Variants in ACTR2 observed in about 807,000 individuals in gnomAD.
The protein encoded by ACTR2 is actin-related protein 2.
In ACTR2, 5 loss-of-function variants were observed where a neutral mutation model predicts 50.2. The ratio of observed to expected loss-of-function variants is 0.10; its 90% CI spans 0.05 to 0.21. The LOEUF (loss-of-function observed/expected upper bound fraction) is 0.21, where lower values mean the gene tolerates loss of function less well. ACTR2 is among the 10% of genes least tolerant of loss of function. The pLI is 1.00. For missense variants in ACTR2, 180 were observed against 480.6 expected, an observed-to-expected ratio of 0.37 and a Z score of 5.85; for synonymous variants, 140 against 162.9, an observed-to-expected ratio of 0.86 and a Z score of 1.07.
chr2:65,268,831 C>T lies in ACTR2; in HGVS notation c.*97C>T. The T allele has an allele frequency of 1.5e-6, 2 of 1,298,230 alleles. No homozygotes were observed. The highest frequency in any genetic ancestry group is 2.9e-5 in the South Asian group (2 of 68,634). 80.4% of individuals were successfully genotyped at this position (1,298,230 alleles called of 1,614,324 possible). A position where few individuals can be genotyped will look rare whatever the true frequency, so the allele number is the denominator to read the frequency against. The stretch of plus-strand genomic sequence containing the variant: ...CAACTCCAGGACATGGAAGAGGCCT[C>T]TCTCTGCCCTTTGACTGGAAAGGTC... On this transcript the variant is annotated 3_prime_UTR_variant, in exon 9 of 9. Coordinates refer to ENST00000260641, the MANE Select transcript of ACTR2 (RefSeq NM_005722.4).
At chr2:65,231,507 G>A (rs903059951) in intron 1 of ACTR2, among the ~76,000 whole-genome samples, 6 of 152,096 alleles carry the variant, frequency 3.9e-5, no homozygotes, top group African/African-American at 1.4e-4. Context: ...ATCCTAAGGT[G>A]TTTTCATTTG....
At chr2:65,231,042 A>G (rs1671628038) in intron 1 of ACTR2, among the ~76,000 whole-genome samples, 2 of 150,768 alleles carry the variant, frequency 1.3e-5, no homozygotes, top group African/African-American at 4.9e-5. Flanking sequence ...CGACAGAGTG[A>G]GACTGTCACA....
At chr2:65,262,922 T>C (rs1672297521) in intron 7 of ACTR2, among the ~76,000 whole-genome samples, 1 of 151,790 alleles carries the variant, frequency 6.6e-6, no homozygotes, top group African/African-American at 2.4e-5. Context: ...GCCATGATTG[T>C]GTCACTGCAC....
intron 8 of ACTR2, among the ~76,000 whole-genome samples, chr2:65,267,895 T>A (rs971800299): frequency 8.2e-5 from 11 of 133,912 alleles, no homozygotes; most frequent in African/African-American, 2.9e-4. Flanking sequence ...TTTTTTGAGA[T>A]TGAGTCTCTG....
chr2:65,252,486 A>G (rs1298644209), intron 4 of ACTR2, among the ~76,000 whole-genome samples: 2 of 151,844 alleles, frequency 1.3e-5, no homozygotes, highest in Non-Finnish European at 2.9e-5. Flanking sequence ...TAAAAAAAAA[A>G]TACAAAAAAT....
intron 1 of ACTR2, among the ~76,000 whole-genome samples, chr2:65,229,866 GA>G (rs1458692702): frequency 6.6e-6 from 1 of 151,824 alleles, no homozygotes; most frequent in Non-Finnish European, 1.5e-5. Context: ...ATTTTAAGTT[GA>G]AAAAGGTTTT....
At chr2:65,256,852 A>G (rs1038318998) in intron 6 of ACTR2, among the ~76,000 whole-genome samples, 4 of 145,740 alleles carry the variant, frequency 2.7e-5, no homozygotes, top group African/African-American at 1.0e-4. Context: ...AGCCTGGGTG[A>G]CAGAGCAAGA....
At chr2:65,231,051 CAA>C (rs780231120) in intron 1 of ACTR2, among the ~76,000 whole-genome samples, 11 of 96,932 alleles carry the variant, frequency 1.1e-4, no homozygotes, top group Admixed American at 1.1e-4. Context: ...GAGACTGTCA[CAA>C]AAAAAAAAAA....
intron 2 of ACTR2, 165 bp from the exon 3 acceptor site, chr2:65,246,359 C>T (rs1671939283): frequency 3.7e-6 from 2 of 546,526 alleles, no homozygotes; most frequent in Non-Finnish European, 6.4e-6. Context: ...ATGTATTATC[C>T]ATGATTAAAC....
Position 65,261,285 on chromosome 2 carries a change from A to G in ACTR2, c.774A>G (p.Arg258=). Residue 258 remains arginine, a synonymous_variant, in exon 7 of 9, where the codon AGA becomes AGG. Transcript: ENST00000260641. ...DGRIIKVGGE[R]FEAPEALFQP... Reference sequence around the variant, plus strand: ...GTATCATCAAAGTTGGGGGAGAGAGATTTGAAGCACCAGAAGCTTTATTTC... The same window carrying G: ...GTATCATCAAAGTTGGGGGAGAGAGGTTTGAAGCACCAGAAGCTTTATTTC... 6.2e-7 allele frequency: 1 copy of G among 1,614,006 alleles called. No homozygotes were observed. Among genetic ancestry groups the G allele is most frequent in the African/African-American group, 1.3e-5 (1 of 75,002 alleles).
Position 65,268,940 on chromosome 2 carries a change from A to G in ACTR2, c.*206A>G, listed in dbSNP as rs1432477697. 1.3e-5 allele frequency: 7 copies of G among 538,276 alleles called. No homozygotes were observed. Among genetic ancestry groups the G allele is most frequent in the Non-Finnish European group, 6.6e-6 (2 of 302,352 alleles). 33.3% of individuals were successfully genotyped at this position (538,276 alleles called of 1,614,324 possible). On this transcript the variant is annotated 3_prime_UTR_variant, in exon 9 of 9. Transcript: ENST00000260641. ...CTGAGTTTAATTCAACTGCTTCCCT[A>G]CATAGACTAGAGGGCTAAGGATTCT...
rs373150340 is a variant in ACTR2 at position 65,243,299 on chromosome 2, A to ATT, written c.160-3225_160-3224insTT. On this transcript the variant is annotated intron_variant, in intron 2 of 8. Coordinates refer to ENST00000260641, the MANE Select transcript of ACTR2 (RefSeq NM_005722.4). Reference sequence around the variant, plus strand: ...CTCAAAAAAAAGAAAAGAAAAGGAAAGAGTGCGCTTGTAGAGAACAGTGTA... The same window carrying ATT: ...CTCAAAAAAAAGAAAAGAAAAGGAAATTGAGTGCGCTTGTAGAGAACAGTGTA... Among the ~76,000 whole-genome samples the ATT allele has an allele frequency of 5.0e-3, 755 of 152,158 alleles. 6 individuals are homozygous for ATT. Among genetic ancestry groups the ATT allele is most frequent in the African/African-American group, 0.017 (702 of 41,508 alleles).
At chr2:65,234,186 A>G (rs1329786741) in intron 1 of ACTR2, among the ~76,000 whole-genome samples, 1 of 152,206 alleles carries the variant, frequency 6.6e-6, no homozygotes, top group Admixed American at 6.5e-5. Flanking sequence ...TGCCAAGATT[A>G]CAGGTGTGAG....
intron 1 of ACTR2, among the ~76,000 whole-genome samples, chr2:65,230,917 G>A (rs1671625931): frequency 6.6e-6 from 1 of 151,930 alleles, no homozygotes; most frequent in Admixed American, 6.6e-5. Flanking sequence ...AGCCGGGTGT[G>A]GTTTCTGATG....
chr2:65,262,351 TC>T (rs1672283774), intron 7 of ACTR2, among the ~76,000 whole-genome samples: 1 of 151,810 alleles, frequency 6.6e-6, no homozygotes, highest in South Asian at 2.1e-4. Context: ...TGCCTCAGCC[TC>T]CCAAGTAGCT....
At chr2:65,242,516 A>G (rs139164272) in intron 2 of ACTR2, 15 of 377,710 alleles carry the variant, frequency 4.0e-5, no homozygotes, top group African/African-American at 3.2e-4. Flanking sequence ...GTGTGGTATC[A>G]TATGTGTACT....
intron 8 of ACTR2, among the ~76,000 whole-genome samples, chr2:65,266,133 G>C (rs1211210357): frequency 6.6e-6 from 1 of 152,196 alleles, no homozygotes; most frequent in African/African-American, 2.4e-5. Context: ...AGGTCTAGGT[G>C]CCGGGGACAA....
chr2:65,261,357 T>A lies in ACTR2; in HGVS notation c.846T>A (p.Leu282=), dbSNP rs1672264377. The A allele has an allele frequency of 3.1e-6, 5 of 1,613,902 alleles. No homozygotes were observed. Among genetic ancestry groups the A allele is most frequent in the Non-Finnish European group, 4.2e-6 (5 of 1,179,958 alleles). The part of the protein sequence containing the change: ...NVEGVGVAEL[L]FNTIQAADID... ...AAGGAGTTGGTGTTGCTGAATTGCT[T>A]TTTAACACAATTCAGGCAGCTGACA... The change falls in exon 7 of 9, where the codon CTT becomes CTA. Residue 282 remains leucine, a synonymous_variant. Transcript: ENST00000260641.
chr2:65,238,608 G>A (rs916051142), intron 1 of ACTR2, among the ~76,000 whole-genome samples: 11 of 149,944 alleles, frequency 7.3e-5, no homozygotes, highest in South Asian at 2.1e-4. Flanking sequence ...GCGGTGAGCC[G>A]GGATGGCGCC....
Sources: gnomAD v4.1 joint callset for allele counts (sites outside exome capture counted in the v4.1 genomes callset) on GRCh38, gnomAD v4.1.1 for gene constraint, MANE v1.5 for transcripts, NCBI Gene and HGNC (gene_info 2026-07-23, HGNC 2026-07-21) for gene names.